The following NUDCD1 variants were observed in gnomAD, a reference collection of about 807,000 sequenced individuals.
The protein encoded by NUDCD1 is nudC domain-containing protein 1.
Under a neutral mutation model 67.8 loss-of-function variants are expected in NUDCD1, and 60 were observed. The ratio of observed to expected loss-of-function variants is 0.88; its 90% confidence interval spans 0.72 to 1.10. The LOEUF (loss-of-function observed/expected upper bound fraction) is 1.10. Ranked by LOEUF, NUDCD1 falls within the 50% of genes least tolerant of loss-of-function variation. The pLI, the probability that NUDCD1 is intolerant of heterozygous loss-of-function variation, is 0.00. For synonymous variants in NUDCD1, 244 were observed against 230.8 expected (o/e 1.06, Z -0.52); for missense variants, 643 against 695.0 (o/e 0.93, Z 0.84).
chr8:109,277,381 A>G (rs1814314561), intron 6 of NUDCD1, among the ~76,000 whole-genome samples: 1 of 152,164 alleles, frequency 6.6e-6, no homozygotes. Flanking sequence ...AACCATCATT[A>G]ATTTGCACAG....
At chr8:109,311,559 G>GTGTATA in intron 2 of NUDCD1, among the ~76,000 whole-genome samples, 5 of 125,166 alleles carry the variant, frequency 4.0e-5, no homozygotes, top group African/African-American at 1.0e-4. Flanking sequence ...AAACTGTGGT[G>GTGTATA]TATATATATA....
At chr8:109,313,905 A>T in intron 2 of NUDCD1, 2 of 663,160 alleles carry the variant, frequency 3.0e-6, no homozygotes, top group Non-Finnish European at 4.7e-6. Flanking sequence ...GTGAAAACAA[A>T]ATTAAATTAA....
chr8:109,258,588 C>T (rs1813792396), intron 8 of NUDCD1, among the ~76,000 whole-genome samples: 1 of 151,820 alleles, frequency 6.6e-6, no homozygotes. Flanking sequence ...TGGCTTTGCC[C>T]TTTAAGATTC....
intron 2 of NUDCD1, chr8:109,316,401 G>T (rs1159273872): frequency 6.6e-6 from 1 of 152,152 alleles, no homozygotes; most frequent in Non-Finnish European, 1.5e-5. Flanking sequence ...CAAGTGTTGG[G>T]TCCCATAGCA....
intron 4 of NUDCD1, among the ~76,000 whole-genome samples, chr8:109,292,344 C>A (rs986856445): frequency 1.3e-5 from 2 of 151,940 alleles, no homozygotes; most frequent in African/African-American, 4.8e-5. Context: ...CCAAAAAGAA[C>A]TAATAAATTA....
At chr8:109,252,736 C>T (rs1374492040) in intron 8 of NUDCD1, among the ~76,000 whole-genome samples, 2 of 152,202 alleles carry the variant, frequency 1.3e-5, no homozygotes, top group Non-Finnish European at 2.9e-5. Context: ...GTCCCTATCT[C>T]ATCTCTTCTT....
At chr8:109,296,230 T>G (rs1160665372) in intron 3 of NUDCD1, among the ~76,000 whole-genome samples, 154 bp downstream of exon 3, 1 of 152,198 alleles carries the variant, frequency 6.6e-6, no homozygotes, top group Non-Finnish European at 1.5e-5. Flanking sequence ...AATATATATG[T>G]TATAATTTAG....
At chr8:109,310,965 G>A (rs763390291) in intron 2 of NUDCD1, among the ~76,000 whole-genome samples, 19 of 151,800 alleles carry the variant, frequency 1.3e-4, no homozygotes, top group Admixed American at 4.6e-4. Context: ...ACAGGCGCAC[G>A]CCACCACGCC....
At chr8:109,245,225 A>G (rs982790388) in intron 9 of NUDCD1, 97 bp downstream of exon 9, 23 of 1,170,044 alleles carry the variant, frequency 2.0e-5, no homozygotes, top group Non-Finnish European at 2.7e-5. Context: ...TGTAATCAGG[A>G]CAGCTCAAAT....
intron 1 of NUDCD1, among the ~76,000 whole-genome samples, chr8:109,325,000 G>A (rs1235544806): frequency 6.6e-6 from 1 of 152,036 alleles, no homozygotes; most frequent in Non-Finnish European, 1.5e-5. Context: ...TGAGGCACGA[G>A]AATCGCTTGA....
At chr8:109,253,454 T>C (rs997622384) in intron 8 of NUDCD1, among the ~76,000 whole-genome samples, 1 of 152,236 alleles carries the variant, frequency 6.6e-6, no homozygotes, top group African/African-American at 2.4e-5. Context: ...TGCTATTTTC[T>C]AAACAATGTT....
In NUDCD1 at chr8:109,245,362, T is replaced by C; in HGVS notation, c.1419A>G (p.Gln473=). 1 of 1,613,986 alleles carries C rather than the reference T, an allele frequency of 6.2e-7. No homozygotes were observed. The highest frequency in any genetic ancestry group is 1.1e-5 in the South Asian group (1 of 91,064). Residue 473 remains glutamine, a synonymous_variant, in exon 9 of 10, where the codon CAA becomes CAG. Transcript: ENST00000239690. ...TTGCGATGTGCTCCCACATATCATC[T>C]TGTTTGCTGGAGTGTGGTTGCCAGA... ...ALLWQPHSSK[Q]DDMWEHIATF... is the part of the protein sequence containing the mutation.
intron 8 of NUDCD1, among the ~76,000 whole-genome samples, chr8:109,270,300 AAT>A (rs1814119486): frequency 6.6e-6 from 1 of 152,134 alleles, no homozygotes; most frequent in Admixed American, 6.5e-5. Flanking sequence ...TCACAAAAGA[AAT>A]AGTTATTACA....
intron 6 of NUDCD1, 37 bp from the exon 7 acceptor site, chr8:109,275,533 G>T (rs778573062): frequency 1.3e-6 from 2 of 1,548,768 alleles, no homozygotes; most frequent in Non-Finnish European, 1.8e-6. Context: ...GTTACATTAA[G>T]CAATTATACA....
intron 8 of NUDCD1, among the ~76,000 whole-genome samples, chr8:109,255,381 T>A (rs913859022): frequency 6.6e-6 from 1 of 152,178 alleles, no homozygotes; most frequent in African/African-American, 2.4e-5. Context: ...TACTTAAATA[T>A]CTCTTTACCT....
chr8:109,264,710 T>C (rs1249691169), intron 8 of NUDCD1, among the ~76,000 whole-genome samples: 3 of 152,184 alleles, frequency 2.0e-5, no homozygotes. Context: ...TCCAGTTATA[T>C]ATCTATAGGA....
chr8:109,292,848 A>C (rs1180463020), intron 4 of NUDCD1, among the ~76,000 whole-genome samples: 3 of 152,110 alleles, frequency 2.0e-5, no homozygotes, highest in Non-Finnish European at 2.9e-5. Context: ...TCAGGTAAGA[A>C]AAAGTAACAG....
At chr8:109,315,154 C>T (rs1417449340) in intron 2 of NUDCD1, 6 of 151,278 alleles carry the variant, frequency 4.0e-5, no homozygotes, top group Admixed American at 6.6e-5. Context: ...TTGTATTAAA[C>T]GCACAGTTCT....
intron 8 of NUDCD1, among the ~76,000 whole-genome samples, chr8:109,255,674 C>A (rs2926208): frequency 2.1e-5 from 3 of 141,156 alleles, no homozygotes; most frequent in Admixed American, 7.0e-5. Context: ...GAAAGTTCCA[C>A]ACAGAAAAAA....
Sources: allele counts gnomAD v4.1 joint callset (sites outside exome capture counted in the v4.1 genomes callset), GRCh38; gene constraint gnomAD v4.1.1; transcripts MANE v1.5; gene names NCBI Gene and HGNC (gene_info 2026-07-23, HGNC 2026-07-21).